The following GRID2 variants were observed in gnomAD, a reference collection of about 807,000 sequenced individuals.
The protein encoded by GRID2 is glutamate ionotropic receptor delta type subunit 2.
Under a neutral mutation model 114.8 loss-of-function variants are expected in GRID2, and 33 were observed. The ratio of observed to expected loss-of-function variants is 0.29; its 90% CI spans 0.22 to 0.38. GRID2 has a LOEUF of 0.38. Ranked by LOEUF, GRID2 falls within the 10% of genes least tolerant of loss-of-function variation. The probability of loss-of-function intolerance (pLI) is 1.00; values close to 1 mark genes in which losing one functional copy is unlikely to be tolerated. For synonymous variants in GRID2, 505 were observed against 449.9 expected, an observed-to-expected ratio of 1.12 and a Z score of -1.55; for missense variants, 1,184 against 1,257.7, an observed-to-expected ratio of 0.94 and a Z score of 0.89.
intron 2 of GRID2, among the ~76,000 whole-genome samples, chr4:92,751,408 A>G (rs1737449947): frequency 6.6e-6 from 1 of 152,196 alleles, no homozygotes. Context: ...TTGTTTACCT[A>G]TTCTAAATAT....
chr4:92,485,335 TATATATATATATAG>T (rs1722819007), intron 1 of GRID2, among the ~76,000 whole-genome samples: 1 of 98,650 alleles, frequency 1.0e-5, no homozygotes, highest in Non-Finnish European at 2.2e-5. Context: ...TATATATATA[TATATATATATATAG>T]TGTGTGTGTG....
intron 13 of GRID2, among the ~76,000 whole-genome samples, chr4:93,535,219 CACACAT>C (rs1401056653): frequency 5.1e-4 from 63 of 124,378 alleles, no homozygotes; most frequent in African/African-American, 1.9e-3. Flanking sequence ...ATTTTATACA[CACACAT>C]ACACATACAC....
At chr4:92,834,172 G>C (rs553960177) in intron 2 of GRID2, among the ~76,000 whole-genome samples, 85 of 152,190 alleles carry the variant, frequency 5.6e-4, no homozygotes, top group African/African-American at 2.0e-3. Flanking sequence ...AGAAACAAAT[G>C]CTAGTACTGT....
intron 6 of GRID2, among the ~76,000 whole-genome samples, chr4:93,219,261 T>C (rs1744605615): frequency 6.6e-6 from 1 of 152,216 alleles, no homozygotes; most frequent in African/African-American, 2.4e-5. Flanking sequence ...ATTGACTGTG[T>C]CATTTAGGGA....
intron 4 of GRID2, among the ~76,000 whole-genome samples, chr4:93,132,658 T>C (rs1406793784): frequency 3.9e-5 from 6 of 152,114 alleles, no homozygotes; most frequent in Non-Finnish European, 8.8e-5. Flanking sequence ...TGTTAAAACA[T>C]AAAAGATGAA....
At position 93,425,214 on chromosome 4, in the gene GRID2, C is replaced by G. The variant is rs2220179; in HGVS notation, c.1545+2246C>G. Among the ~76,000 whole-genome samples, 1,135 of 152,092 alleles carry G rather than the reference C, an allele frequency of 7.5e-3. 13 individuals are homozygous for G. Among genetic ancestry groups the G allele is most frequent in the African/African-American group, 0.026 (1,065 of 41,508 alleles). On this transcript the variant is annotated intron_variant, in intron 10 of 15. Transcript: ENST00000282020. ...TTACATTTGATTATATATTGGACTT[C>G]GTGGTTGATACATTGTTAAGACTTG...
At chr4:93,679,135 C>G (rs1358355468) in intron 14 of GRID2, among the ~76,000 whole-genome samples, 1 of 151,044 alleles carries the variant, frequency 6.6e-6, no homozygotes, top group African/African-American at 2.5e-5. Flanking sequence ...ATCCTAGTCT[C>G]TGATAAAACA....
At chr4:93,279,618 G>A (rs1237537520) in intron 8 of GRID2, among the ~76,000 whole-genome samples, 10 of 151,932 alleles carry the variant, frequency 6.6e-5, no homozygotes, top group African/African-American at 2.4e-4. Context: ...ATGTTTGCTT[G>A]AATTTTAGAT....
chr4:93,323,394 C>G (rs1468765847), intron 8 of GRID2, among the ~76,000 whole-genome samples: 1 of 152,112 alleles, frequency 6.6e-6, no homozygotes, highest in African/African-American at 2.4e-5. Flanking sequence ...CTGTTCTGTT[C>G]CATTGGTCTA....
chr4:93,736,342 T>G (rs1450352023), intron 14 of GRID2, among the ~76,000 whole-genome samples: 1 of 148,366 alleles, frequency 6.7e-6, no homozygotes, highest in Non-Finnish European at 1.5e-5. Flanking sequence ...CATATCATAC[T>G]TGTAACAACC....
At position 92,863,927 on chromosome 4, in the gene GRID2, C is replaced by T. The variant is rs1177724941; in HGVS notation, c.245-221068C>T. 2.6e-5 allele frequency among the ~76,000 whole-genome samples: 4 copies of T among 152,076 alleles called. No homozygotes were observed. The East Asian group carries it at 7.7e-4, about 29-fold the overall frequency. On this transcript the variant is annotated intron_variant, in intron 2 of 15. Transcript: ENST00000282020. ...CCACAGGCTTAGCAAAAGTCTCAGC[C>T]ATTCAGTTCAAAGGATTAAATAACC...
At chr4:92,767,976 T>G (rs543193940) in intron 2 of GRID2, among the ~76,000 whole-genome samples, 1 of 152,118 alleles carries the variant, frequency 6.6e-6, no homozygotes, top group East Asian at 1.9e-4. Context: ...GTGTTACTTA[T>G]GCTTATTTTG....
chr4:93,486,779 G>A (rs1382280159), intron 11 of GRID2, among the ~76,000 whole-genome samples: 3 of 151,642 alleles, frequency 2.0e-5, no homozygotes, highest in African/African-American at 7.3e-5. Flanking sequence ...TGAAAGATTG[G>A]CCTATAATTG....
At chr4:92,865,596 G>A (rs1403884518) in intron 2 of GRID2, among the ~76,000 whole-genome samples, 2 of 152,128 alleles carry the variant, frequency 1.3e-5, no homozygotes, top group Non-Finnish European at 2.9e-5. Context: ...TCAGGCTAAA[G>A]TGGTGTGTAA....
rs544005999 is a variant in GRID2, at chr4:93,329,150, A to C, written c.1246-66457A>C. ...ATGAGTTAGTTGAAACTAGAAGATAAAGGGGTTTCAAGAAGGAAGAACTAG... is the reference window on the plus strand; with the variant it reads ...ATGAGTTAGTTGAAACTAGAAGATACAGGGGTTTCAAGAAGGAAGAACTAG... On this transcript the variant is annotated intron_variant, in intron 8 of 15. Transcript: ENST00000282020. Among the ~76,000 whole-genome samples the C allele has an allele frequency of 1.8e-4, 28 of 152,272 alleles. No homozygotes were observed. In the South Asian group the frequency reaches 2.7e-3, roughly 15 times the overall value.
rs1732686259 is a variant in GRID2 at position 93,110,782 on chromosome 4, C to G, written c.564C>G (p.Val188=). The G allele has an allele frequency of 6.2e-7, 1 of 1,612,888 alleles. No homozygotes were observed. Among genetic ancestry groups the G allele is most frequent in the Non-Finnish European group, 8.5e-7 (1 of 1,178,896 alleles). The change falls in exon 4 of 16, where the codon GTC becomes GTG. Residue 188 remains valine (V), a synonymous_variant. Transcript: ENST00000282020. The part of the protein sequence containing the change: ...IRGIQEFLDK[V]SQQGMDVALQ... ...GAATACAGGAGTTCTTGGACAAAGT[C>G]TCTCAGCAGGGAATGGATGTTGCAC...
chr4:92,768,633 C>T (rs1738383521), intron 2 of GRID2, among the ~76,000 whole-genome samples: 1 of 152,154 alleles, frequency 6.6e-6, no homozygotes, highest in South Asian at 2.1e-4. Context: ...ACTTACAGTT[C>T]CACATGGCTG....
At chr4:93,578,712 G>A (rs967915257) in intron 13 of GRID2, among the ~76,000 whole-genome samples, 3 of 148,150 alleles carry the variant, frequency 2.0e-5, no homozygotes, top group Non-Finnish European at 4.4e-5. Flanking sequence ...TCCTGCCTCA[G>A]CCTCCCAAGT....
At chr4:93,487,839 G>A (rs996315311) in intron 11 of GRID2, among the ~76,000 whole-genome samples, 2 of 151,864 alleles carry the variant, frequency 1.3e-5, no homozygotes, top group African/African-American at 4.8e-5. Flanking sequence ...TTGTCAGTGG[G>A]AGGATTGTTC....
Sources: gnomAD v4.1 joint callset for allele counts (sites outside exome capture counted in the v4.1 genomes callset) on GRCh38, gnomAD v4.1.1 for gene constraint, MANE v1.5 for transcripts, NCBI Gene and HGNC (gene_info 2026-07-23, HGNC 2026-07-21) for gene names.